The following AFF1 variants were observed in gnomAD, a reference collection of about 807,000 sequenced individuals.
AFF1 encodes ALF transcription elongation factor 1.
Under a neutral mutation model 121.7 loss-of-function variants are expected in AFF1, and 48 were observed. The observed-to-expected ratio is 0.39, with a 90% CI of 0.31 to 0.50. The LOEUF is 0.50. Among genes scored for constraint, AFF1 ranks in the 20% least tolerant of loss-of-function variants. The pLI is 0.76. For synonymous variants in AFF1, 613 were observed against 563.0 expected (o/e 1.09, Z -1.26); for missense variants, 1,523 against 1,511.7 (o/e 1.01, Z -0.12).
intron 4 of AFF1, among the ~76,000 whole-genome samples, chr4:87,067,623 A>G (rs955544065): frequency 6.6e-6 from 1 of 152,212 alleles, no homozygotes; most frequent in African/African-American, 2.4e-5. Flanking sequence ...TTTTAGTGGC[A>G]ATAAGTATTA....
At chr4:87,121,203 G>A (rs1485520302) in intron 12 of AFF1, among the ~76,000 whole-genome samples, 1 of 152,192 alleles carries the variant, frequency 6.6e-6, no homozygotes, top group Admixed American at 6.5e-5. Context: ...CCCTGAAGTG[G>A]GGATGACCTG....
At position 87,007,209 on chromosome 4, in the gene AFF1, C is replaced by G. The variant is rs1364342961; in HGVS notation, c.39-38957C>G. The G allele has an allele frequency of 9.8e-6, 14 of 1,433,238 alleles. No homozygotes were observed. The East Asian group carries it at 3.1e-4, about 32-fold the overall frequency. 88.8% of individuals were successfully genotyped at this position (1,433,238 alleles called of 1,614,324 possible). On this transcript the variant is annotated intron_variant, in intron 2 of 20. Transcript: ENST00000395146. ...GTGCCCGGATGTCCATCAGGATTAGCGCGAGCCAATACGGGCCGAGCCCGG... is the reference window on the plus strand; with the variant it reads ...GTGCCCGGATGTCCATCAGGATTAGGGCGAGCCAATACGGGCCGAGCCCGG...
At chr4:86,985,235 G>A (rs1724150183) in intron 2 of AFF1, among the ~76,000 whole-genome samples, 1 of 123,580 alleles carries the variant, frequency 8.1e-6, no homozygotes, top group Non-Finnish European at 1.6e-5. Flanking sequence ...TTTAGGCCGG[G>A]CAGAGGGGCT....
At chr4:87,013,346 C>T (rs1726991898) in intron 2 of AFF1, among the ~76,000 whole-genome samples, 1 of 152,044 alleles carries the variant, frequency 6.6e-6, no homozygotes, top group African/African-American at 2.4e-5. Flanking sequence ...GGCTGAACTG[C>T]TATCAAGTTC....
chr4:87,059,222 A>G (rs561504037), intron 4 of AFF1, among the ~76,000 whole-genome samples: 4 of 152,182 alleles, frequency 2.6e-5, no homozygotes, highest in African/African-American at 4.8e-5. Context: ...TCTGTTATCC[A>G]CCTGCCCACT....
rs1239217150 is a variant in AFF1, at chr4:87,140,886, C to T, written c.*5185C>T. 1 of 184,878 alleles carries T rather than the reference C, an allele frequency of 5.4e-6. No homozygotes were observed. The highest frequency in any genetic ancestry group is 8.8e-5 in the East Asian group (1 of 11,404). The allele number at this position is 184,878 out of a possible 1,614,324, so 11.5% of individuals were successfully genotyped here. On this transcript the variant is annotated 3_prime_UTR_variant, in exon 21 of 21. Transcript: ENST00000395146. The stretch of plus-strand genomic sequence containing the variant: ...AAGAAAAATCTGCAAAAGATCTTTC[C>T]AAAGACAATGTGCCACAGATCTTTT...
At chr4:87,075,444 A>G (rs1360788328) in intron 4 of AFF1, among the ~76,000 whole-genome samples, 2 of 152,190 alleles carry the variant, frequency 1.3e-5, no homozygotes, top group Admixed American at 6.5e-5. Flanking sequence ...CATTTATTAA[A>G]TGAACTGGGG....
At chr4:87,007,173 C>T (rs1376957187) in intron 2 of AFF1, 43 of 1,357,634 alleles carry the variant, frequency 3.2e-5, no homozygotes, top group Non-Finnish European at 4.0e-5. Context: ...CAGATCGCCG[C>T]AGAGGCCCCA....
rs1553914745 is a variant in AFF1, at chr4:86,998,111, A to AAAAAAC, written c.39-48050_39-48049insCAAAAA. Among the ~76,000 whole-genome samples, 132 of 138,166 alleles carry AAAAAAC rather than the reference A, an allele frequency of 9.6e-4. 2 individuals are homozygous for AAAAAAC. The South Asian group carries it at 9.6e-3, about 10-fold the overall frequency. 90.6% of individuals were successfully genotyped at this position (138,166 alleles called of 152,430 possible). A position where few individuals can be genotyped will look rare whatever the true frequency, so the allele number is the denominator to read the frequency against. ...GAAACTCCGTCTCAAAAAAAAAAAAAAAAAAAAAAAAAAAAACAAGAAAAC... is the reference window on the plus strand; with the variant it reads ...GAAACTCCGTCTCAAAAAAAAAAAAAAAAAACAAAAAAAAAAAAAAAACAAGAAAAC... On this transcript the variant is annotated intron_variant, in intron 2 of 20. Coordinates refer to ENST00000395146, the MANE Select transcript of AFF1 (RefSeq NM_001166693.3).
At chr4:86,965,790 T>C (rs1722495858) in intron 2 of AFF1, among the ~76,000 whole-genome samples, 1 of 152,178 alleles carries the variant, frequency 6.6e-6, no homozygotes, top group Non-Finnish European at 1.5e-5. Context: ...TTGTCATTGC[T>C]GAATTCATTG....
intron 3 of AFF1, among the ~76,000 whole-genome samples, 180 bp from the exon 4 acceptor site, chr4:87,046,515 T>C (rs1391967412): frequency 6.6e-6 from 1 of 152,246 alleles, no homozygotes; most frequent in Admixed American, 6.5e-5. Flanking sequence ...CTTCTACAGT[T>C]AGTAATATGT....
intron 12 of AFF1, among the ~76,000 whole-genome samples, chr4:87,121,522 T>C (rs1268202169): frequency 6.6e-6 from 1 of 152,214 alleles, no homozygotes; most frequent in Non-Finnish European, 1.5e-5. Flanking sequence ...GTGCCTACTC[T>C]GGGGAAGCCT....
intron 2 of AFF1, among the ~76,000 whole-genome samples, chr4:86,978,308 C>T (rs527778820): frequency 2.0e-5 from 3 of 149,488 alleles, no homozygotes; most frequent in African/African-American, 7.4e-5. Flanking sequence ...CTCAGCCTCC[C>T]GAAGAGCTGG....
intron 4 of AFF1, among the ~76,000 whole-genome samples, chr4:87,070,916 C>T (rs1299860765): frequency 1.3e-5 from 2 of 152,122 alleles, no homozygotes. Flanking sequence ...TTTTACTCCC[C>T]AGGAGACAGG....
At chr4:87,072,255 C>T (rs1305083257) in intron 4 of AFF1, among the ~76,000 whole-genome samples, 3 of 150,540 alleles carry the variant, frequency 2.0e-5, no homozygotes, top group Non-Finnish European at 4.4e-5. Context: ...CCCAGCTACT[C>T]AGGAGTCTGA....
intron 2 of AFF1, among the ~76,000 whole-genome samples, chr4:87,034,085 A>G (rs1337528604): frequency 6.6e-6 from 1 of 152,186 alleles, no homozygotes; most frequent in Non-Finnish European, 1.5e-5. Context: ...GAAGTGCTGG[A>G]GAGCACCTCT....
intron 8 of AFF1, among the ~76,000 whole-genome samples, chr4:87,105,004 C>T (rs1194488928): frequency 6.6e-6 from 1 of 152,152 alleles, no homozygotes; most frequent in African/African-American, 2.4e-5. Context: ...ATAAAGCTCA[C>T]TATTAATAAT....
chr4:86,976,731 C>T (rs527612610), intron 2 of AFF1, among the ~76,000 whole-genome samples: 2 of 152,290 alleles, frequency 1.3e-5, no homozygotes, highest in Admixed American at 6.5e-5. Context: ...GTATAACAAA[C>T]TTGCATGTGT....
intron 2 of AFF1, among the ~76,000 whole-genome samples, chr4:86,968,869 G>A (rs996656924): frequency 6.6e-6 from 1 of 152,204 alleles, no homozygotes; most frequent in African/African-American, 2.4e-5. Context: ...GTGCTGGGTT[G>A]GGATAATTCA....
Sources: gnomAD v4.1 joint callset for allele counts (sites outside exome capture counted in the v4.1 genomes callset) on GRCh38, gnomAD v4.1.1 for gene constraint, MANE v1.5 for transcripts, NCBI Gene and HGNC (gene_info 2026-07-23, HGNC 2026-07-21) for gene names.